Variants in DIS3L2 observed in about 807,000 individuals in gnomAD.
DIS3L2 encodes the protein DIS3 like 3'-5' exoribonuclease 2.
Under a neutral mutation model 97.5 loss-of-function variants are expected in DIS3L2, and 34 were observed. The observed-to-expected ratio is 0.35, with a 90% CI of 0.27 to 0.46. The LOEUF (loss-of-function observed/expected upper bound fraction) is 0.46. Ranked by LOEUF, DIS3L2 falls within the 20% of genes least tolerant of loss-of-function variation. The pLI, the probability that DIS3L2 is intolerant of heterozygous loss-of-function variation, is 1.00. For missense variants in DIS3L2, 1,038 were observed against 1,146.0 expected (o/e 0.91, Z 1.36); for synonymous variants, 435 against 445.2 (o/e 0.98, Z 0.29).
intron 5 of DIS3L2, among the ~76,000 whole-genome samples, chr2:232,057,853 GTGT>G (rs1455994691): frequency 6.6e-6 from 1 of 152,208 alleles, no homozygotes; most frequent in Non-Finnish European, 1.5e-5. Flanking sequence ...ATCTTGGTTA[GTGT>G]TGTATGTGGG....
intron 5 of DIS3L2, among the ~76,000 whole-genome samples, chr2:232,086,361 GTATA>G (rs1559612690): frequency 5.4e-4 from 4 of 7,366 alleles, no homozygotes; most frequent in African/African-American, 1.4e-3. Context: ...ATATATATGT[GTATA>G]TGTATATGTA....
At chr2:232,342,072 G>A (rs1271650690), downstream of DIS3L2, among the ~76,000 whole-genome samples, 1 of 151,694 alleles carries the variant, frequency 6.6e-6, no homozygotes, top group Admixed American at 6.6e-5. Flanking sequence ...GTCACACAAC[G>A]ATAGATAATA....
chr2:232,241,250 G>T (rs1284783457), intron 11 of DIS3L2, among the ~76,000 whole-genome samples: 1 of 152,228 alleles, frequency 6.6e-6, no homozygotes, highest in Non-Finnish European at 1.5e-5. Flanking sequence ...TGAAAAGCTG[G>T]ATGAGCTGTG....
chr2:232,176,765 AT>A (rs1559706390), intron 9 of DIS3L2, among the ~76,000 whole-genome samples: 7 of 143,404 alleles, frequency 4.9e-5, no homozygotes, highest in East Asian at 2.0e-4. Context: ...TTTTTTTTTA[AT>A]TTTTTAATTA....
intron 9 of DIS3L2, among the ~76,000 whole-genome samples, chr2:232,207,132 A>G (rs1692048276): frequency 6.6e-6 from 1 of 152,230 alleles, no homozygotes; most frequent in African/African-American, 2.4e-5. Flanking sequence ...TGATGTCATT[A>G]TGATAAAAGA....
chr2:232,183,101 C>T (rs1401749960), intron 9 of DIS3L2, among the ~76,000 whole-genome samples: 2 of 152,162 alleles, frequency 1.3e-5, no homozygotes, highest in Middle Eastern at 3.2e-3. Flanking sequence ...AGAAACCTCA[C>T]CCCTTTCACC....
intron 6 of DIS3L2, among the ~76,000 whole-genome samples, chr2:232,093,772 A>G (rs1696918529): frequency 6.6e-6 from 1 of 152,026 alleles, no homozygotes; most frequent in South Asian, 2.1e-4. Flanking sequence ...AGTCTGGCTA[A>G]AGATTTGTCA....
chr2:232,343,760 T>C (rs949204799), exon 14 of DIS3L2: 2 of 626,794 alleles, frequency 3.2e-6, no homozygotes, highest in Non-Finnish European at 5.6e-6. Context: ...CTATACCCTC[T>C]TCAGCCTTGC....
At chr2:232,090,936 T>A (rs1696818180) in intron 6 of DIS3L2, among the ~76,000 whole-genome samples, 1 of 152,246 alleles carries the variant, frequency 6.6e-6, no homozygotes, top group African/African-American at 2.4e-5. Context: ...TGCCTGTCAT[T>A]GCGTTAAGAG....
intron 9 of DIS3L2, among the ~76,000 whole-genome samples, chr2:232,166,693 C>T (rs545646160): frequency 5.9e-5 from 9 of 151,610 alleles, no homozygotes; most frequent in East Asian, 1.9e-4. Flanking sequence ...TCCAGCGTGG[C>T]GACAGAACGA....
At chr2:232,020,090 C>G (rs926380000) in intron 3 of DIS3L2, among the ~76,000 whole-genome samples, 2 of 151,894 alleles carry the variant, frequency 1.3e-5, no homozygotes, top group African/African-American at 4.8e-5. Flanking sequence ...AGAAGGAAGC[C>G]TGTTGGAACA....
intron 1 of DIS3L2, among the ~76,000 whole-genome samples, chr2:232,013,152 T>A (rs148689806): frequency 1.3e-5 from 2 of 152,320 alleles, no homozygotes; most frequent in Non-Finnish European, 2.9e-5. Context: ...GCCTCTTCTT[T>A]TCAGTGTCCT....
intron 9 of DIS3L2, among the ~76,000 whole-genome samples, chr2:232,184,423 G>A (rs1691379136): frequency 6.6e-6 from 1 of 152,114 alleles, no homozygotes; most frequent in African/African-American, 2.4e-5. Context: ...CAGTACTTTG[G>A]GTGGATTGAT....
intron 9 of DIS3L2, among the ~76,000 whole-genome samples, chr2:232,208,257 T>TTCCTCTCCTCTTCTTC (rs1194348035): frequency 6.6e-6 from 1 of 151,908 alleles, no homozygotes; most frequent in Non-Finnish European, 1.5e-5. Context: ...TTCCGTTCCG[T>TTCCTCTCCTCTTCTTC]TCCTCTCCTC....
In DIS3L2 at chr2:232,233,291, G is replaced by A. The variant is rs184694905; in HGVS notation, c.1205-5242G>A. Among the ~76,000 whole-genome samples the A allele has an allele frequency of 3.3e-5, 5 of 152,300 alleles. No homozygotes were observed. In the East Asian group the frequency reaches 9.6e-4, roughly 29 times the overall value. On this transcript the variant is annotated intron_variant, in intron 10 of 20. Coordinates refer to ENST00000325385, the MANE Select transcript of DIS3L2 (RefSeq NM_152383.5). ...CAAGATCAAGATGCTGGCAGATCCA[G>A]TGTCTAGTGACGGCCCACTTCCTGG...
chr2:232,121,601 G>C (rs1046853168), intron 6 of DIS3L2, among the ~76,000 whole-genome samples: 1 of 152,110 alleles, frequency 6.6e-6, no homozygotes, highest in African/African-American at 2.4e-5. Context: ...TCCTGTGATG[G>C]CTCCTCATCA....
At chr2:232,005,023 C>A (rs1190133250) in intron 1 of DIS3L2, among the ~76,000 whole-genome samples, 1 of 152,110 alleles carries the variant, frequency 6.6e-6, no homozygotes, top group African/African-American at 2.4e-5. Context: ...GTTCTAACAT[C>A]TGAGTCATTT....
At chr2:232,333,702 G>A in intron 16 of DIS3L2, 138 bp from the exon 17 acceptor site, 1 of 1,320,656 alleles carries the variant, frequency 7.6e-7, no homozygotes. Context: ...AGTCCTCCCT[G>A]GCGTCACTCA....
chr2:232,066,377 A>G (rs1481895602), intron 5 of DIS3L2, among the ~76,000 whole-genome samples: 1 of 152,014 alleles, frequency 6.6e-6, no homozygotes, highest in African/African-American at 2.4e-5. Context: ...TGAGATGACT[A>G]TACAGATTCT....
Sources: gnomAD v4.1 joint callset for allele counts (sites outside exome capture counted in the v4.1 genomes callset) on GRCh38, gnomAD v4.1.1 for gene constraint, MANE v1.5 for transcripts, NCBI Gene and HGNC (gene_info 2026-07-23, HGNC 2026-07-21) for gene names.